Variants in CIP2A observed in about 807,000 individuals in gnomAD.
The protein encoded by CIP2A is cellular inhibitor of PP2A, also known as protein CIP2A.
CIP2A carries 103 observed loss-of-function variants against 110.9 expected under a neutral mutation model. The observed-to-expected ratio is 0.93, with a 90% CI of 0.79 to 1.09. The LOEUF (loss-of-function observed/expected upper bound fraction) is 1.09, where lower values mean the gene tolerates loss of function less well. Among genes scored for constraint, CIP2A ranks in the 50% least tolerant of loss-of-function variants. CIP2A has a pLI of 0.00. For missense variants in CIP2A, 1,088 were observed against 1,038.4 expected (o/e 1.05, Z -0.66); for synonymous variants, 381 against 361.6 (o/e 1.05, Z -0.61).
chr3:108,583,118 T>G, intron 2 of CIP2A, 35 bp from the exon 3 acceptor site: 1 of 1,211,890 alleles, frequency 8.3e-7, no homozygotes, highest in Non-Finnish European at 1.2e-6. Flanking sequence ...AATATATCAT[T>G]TTCTTACAAG....
intron 16 of CIP2A, among the ~76,000 whole-genome samples, chr3:108,559,125 A>C (rs1040352034): frequency 1.3e-5 from 2 of 152,116 alleles, no homozygotes; most frequent in African/African-American, 4.8e-5. Context: ...ATTCATACAA[A>C]AAATGAAAAG....
chr3:108,553,853 C>G (rs1937678325), intron 18 of CIP2A, 123 bp from the exon 19 acceptor site: 1 of 336,904 alleles, frequency 3.0e-6, no homozygotes, highest in African/African-American at 2.6e-5. Flanking sequence ...GAGATCGAGA[C>G]CATCCTGGCT....
chr3:108,554,351 C>A, intron 18 of CIP2A, 25 bp downstream of exon 18: 1 of 942,964 alleles, frequency 1.1e-6, no homozygotes, highest in South Asian at 1.5e-5. Context: ...CCCACATATT[C>A]AGAATATAGA....
chr3:108,559,720 T>C, intron 16 of CIP2A, 37 bp downstream of exon 16: 1 of 1,239,166 alleles, frequency 8.1e-7, no homozygotes, highest in Non-Finnish European at 1.1e-6. Flanking sequence ...CTTATTAATT[T>C]TTCTACAAAT....
At chr3:108,576,953 A>G (rs534255402) in intron 7 of CIP2A, among the ~76,000 whole-genome samples, 3 of 152,322 alleles carry the variant, frequency 2.0e-5, no homozygotes, top group South Asian at 2.1e-4. Flanking sequence ...ATACAATGCT[A>G]TAATGGAGGA....
rs1559690774 is a variant in CIP2A at position 108,559,850 on chromosome 3, T to G, written c.1920A>C (p.Leu640=). 4 of 1,607,606 alleles carry G rather than the reference T, an allele frequency of 2.5e-6. No individual in the cohort carries two copies. The highest frequency in any genetic ancestry group is 2.6e-6 in the Non-Finnish European group (3 of 1,175,326). The change falls in exon 16 of 21, where the codon CTA becomes CTC. Residue 640 remains leucine (L), a synonymous_variant. Transcript: ENST00000295746. ...LSTLASKESR[L]QDLLETKALA... ...GAGCTTTTGTTTCCAAAAGATCTTG[T>G]AGCCTGCTTTCTTTGGACTACAAGA...
Position 108,566,513 on chromosome 3 carries a change from C to G in CIP2A, c.1399G>C (p.Ala467Pro), listed in dbSNP as rs1488965002. The G allele has an allele frequency of 1.2e-6, 2 of 1,607,614 alleles. No individual in the cohort carries two copies. Among genetic ancestry groups the G allele is most frequent in the Non-Finnish European group, 1.7e-6 (2 of 1,176,894 alleles). The part of the protein sequence containing the change: ...KIDLGFGTKV[A>P]DSELCKLAAD... Reference sequence around the variant, plus strand: ...TATACTCACCATAATTCAGAATCTGCAACCTTTGTTCCAAATCCCAGGTCA... The same window carrying G: ...TATACTCACCATAATTCAGAATCTGGAACCTTTGTTCCAAATCCCAGGTCA... Residue 467 changes from alanine to proline, a missense_variant, in exon 11 of 21, where the codon GCA (alanine) becomes CCA (proline). By Grantham distance (27) the Ala-to-Pro change is conservative. Coordinates refer to ENST00000295746, the MANE Select transcript of CIP2A (RefSeq NM_020890.3).
In CIP2A at chr3:108,579,364, A is replaced by AGAC; in HGVS notation, c.734_735insGTC (p.Gly245_Asp246insSer). On this transcript the variant is annotated inframe_insertion, in exon 7 of 21. Transcript: ENST00000295746. Reference sequence around the variant, plus strand: ...AATACTTTCTAGTTAGAGTGCCATCACCGTTTATGAGAATATTAAATATTA... The same window carrying AGAC: ...AATACTTTCTAGTTAGAGTGCCATCAGACCCGTTTATGAGAATATTAAATATTA... 6.2e-7 allele frequency: 1 copy of AGAC among 1,604,804 alleles called. No individual in the cohort carries two copies. Among genetic ancestry groups the AGAC allele is most frequent in the Non-Finnish European group, 8.5e-7 (1 of 1,171,932 alleles).
intron 7 of CIP2A, among the ~76,000 whole-genome samples, chr3:108,578,294 T>C (rs1445356038): frequency 6.6e-6 from 1 of 152,174 alleles, no homozygotes; most frequent in African/African-American, 2.4e-5. Context: ...GTGGGTAGAA[T>C]AGATATACAT....
chr3:108,569,678 A>G, intron 8 of CIP2A, 71 bp from the exon 9 acceptor site: 1 of 1,132,390 alleles, frequency 8.8e-7, no homozygotes, highest in Middle Eastern at 2.2e-4. Flanking sequence ...GTGTATGATG[A>G]AGCTGAAAAT....
intron 2 of CIP2A, 43 bp from the exon 3 acceptor site, chr3:108,583,126 A>C (rs1304504705): frequency 9.0e-7 from 1 of 1,114,756 alleles, no homozygotes; most frequent in Non-Finnish European, 1.3e-6. Flanking sequence ...ATTTTCTTAC[A>C]AGGTTTTGCA....
chr3:108,566,846 A>C (rs1032429883), intron 10 of CIP2A, among the ~76,000 whole-genome samples: 1 of 151,744 alleles, frequency 6.6e-6, no homozygotes, highest in Non-Finnish European at 1.5e-5. Flanking sequence ...AAGGTTTCTG[A>C]CTCAATGGTT....
rs1937936627 is a variant in CIP2A, at chr3:108,559,815, G to A, written c.1955C>T (p.Ala652Val). The A allele has an allele frequency of 4.4e-6, 7 of 1,607,236 alleles. No homozygotes were observed. The highest frequency in any genetic ancestry group is 6.0e-6 in the Non-Finnish European group (7 of 1,174,856). ...CTGAGCAATCAGTCTATCAGCCTGT[G>A]CAAGGGCTAGAGCTTTTGTTTCCAA... ...DLLETKALAL[A>V]QADRLIAQHR... The change falls in exon 16 of 21, where the codon GCA becomes GTA. Residue 652 changes from alanine (A) to valine (V), a missense_variant. Coordinates refer to ENST00000295746, the MANE Select transcript of CIP2A (RefSeq NM_020890.3).
chr3:108,589,308 T>C lies in CIP2A; in HGVS notation c.68A>G (p.Glu23Gly), dbSNP rs1286879311. ...CCGCAAAAGCTGAGTGGCGTTCGCC[T>C]CTGACTTCACGGCTTTGTACTGACT... ...TVSQYKAVKS[E>G]ANATQLLRHL... is the part of the protein sequence containing the mutation. The change falls in exon 1 of 21, where the codon GAG becomes GGG. Residue 23 changes from glutamate (E) to glycine (G), a missense_variant. Physicochemically the swap from Glu to Gly is moderately conservative, Grantham distance 98. Transcript: ENST00000295746. 2 of 1,614,066 alleles carry C rather than the reference T, an allele frequency of 1.2e-6. No homozygotes were observed.
intron 4 of CIP2A, 151 bp downstream of exon 4, chr3:108,581,957 T>C (rs887379858): frequency 4.8e-6 from 2 of 418,918 alleles, no homozygotes; most frequent in Non-Finnish European, 8.7e-6. Flanking sequence ...TTTTGATCCT[T>C]AAAATCATCT....
At chr3:108,578,335 G>A (rs1938751557) in intron 7 of CIP2A, among the ~76,000 whole-genome samples, 1 of 152,168 alleles carries the variant, frequency 6.6e-6, no homozygotes, top group Admixed American at 6.6e-5. Context: ...AACAGATGAA[G>A]AGAAGGCAGG....
In CIP2A at chr3:108,560,661, C is replaced by G. The variant is rs755092489; in HGVS notation, c.1815G>C (p.Gln605His). 2 of 1,604,392 alleles carry G rather than the reference C, an allele frequency of 1.2e-6. No individual in the cohort carries two copies. Among genetic ancestry groups the G allele is most frequent in the Admixed American group, 1.7e-5 (1 of 59,022 alleles). Residue 605 changes from glutamine (Q) to histidine (H), a missense_variant, in exon 14 of 21, where the codon CAG (glutamine) becomes CAC (histidine). By Grantham distance (24) the Gln-to-His change is conservative. Transcript: ENST00000295746. Reference sequence around the variant, plus strand: ...TTTTTTCACTCACCACCATTCCAGACTGAAGTTTCTCTATTAATTCTTCAA... The same window carrying G: ...TTTTTTCACTCACCACCATTCCAGAGTGAAGTTTCTCTATTAATTCTTCAA... Reference protein sequence around the residue: ...LNIEELIEKLQSGMVVKDQIC... With the variant: ...LNIEELIEKLHSGMVVKDQIC...
Position 108,569,448 on chromosome 3 carries a change from A to T in CIP2A, c.1054T>A (p.Leu352Met). The change falls in exon 9 of 21, where the codon TTG (leucine) becomes ATG (methionine). Residue 352 changes from leucine to methionine, a missense_variant. Leu to Met is a conservative substitution (Grantham distance 15). Coordinates refer to ENST00000295746, the MANE Select transcript of CIP2A (RefSeq NM_020890.3). The part of the protein sequence containing the change: ...VALLRWLSQP[L>M]DGSENCSVLA... The stretch of plus-strand genomic sequence containing the variant: ...ACAGAACAGTTTTCTGATCCGTCCA[A>T]AGGTTGGCTTAACCAGCGCAGTAGA... The T allele has an allele frequency of 6.2e-7, 1 of 1,612,762 alleles. No homozygotes were observed.
chr3:108,576,220 G>A (rs16854713), intron 8 of CIP2A, 51 bp downstream of exon 8: 261,711 of 1,143,766 alleles, frequency 0.23, 32,917 homozygotes, highest in East Asian at 0.46. Flanking sequence ...TAAAAGTTTC[G>A]GCATTTTGCA....
Sources: allele counts gnomAD v4.1 joint callset (sites outside exome capture counted in the v4.1 genomes callset), GRCh38; gene constraint gnomAD v4.1.1; transcripts MANE v1.5; gene names NCBI Gene and HGNC (gene_info 2026-07-23, HGNC 2026-07-21).